TTBK2: variants seen among roughly 807,000 people sequenced by gnomAD.
The protein encoded by TTBK2 is tau tubulin kinase 2, also known as tau-tubulin kinase 2.
TTBK2 carries 28 observed loss-of-function variants against 110.8 expected under a neutral mutation model. That is an observed-to-expected ratio of 0.25 (90% CI 0.19 to 0.35). TTBK2 has a LOEUF of 0.35. TTBK2 is among the 10% of genes least tolerant of loss of function. The pLI is 1.00. For missense variants in TTBK2, 1,369 were observed against 1,500.3 expected, an observed-to-expected ratio of 0.91 and a Z score of 1.45; for synonymous variants, 532 against 527.3, an observed-to-expected ratio of 1.01 and a Z score of -0.12.
At chr15:42,800,007 A>C (rs56894749) in intron 9 of TTBK2, among the ~76,000 whole-genome samples, 6,243 of 152,048 alleles carry the variant, frequency 0.041, 378 homozygotes, top group East Asian at 0.13. Context: ...CTGAGGTGGG[A>C]GGATTACTTG....
In TTBK2 at chr15:42,783,614, G is replaced by A; in HGVS notation, c.1002C>T (p.Ile334=). The change falls in exon 11 of 15, where the codon ATC becomes ATT. Residue 334 remains isoleucine (I), a synonymous_variant. Transcript: ENST00000267890. ...TATTTTCTCGAAGCAAGTCTCCAGG[G>A]ATGGGAGTAGCATTGGCAATTCTAC... ...AAIGIANATP[I]PGDLLRENTD... is the part of the protein sequence containing the mutation. The A allele has an allele frequency of 1.2e-6, 2 of 1,613,956 alleles. No individual in the cohort carries two copies. Among genetic ancestry groups the A allele is most frequent in the Non-Finnish European group, 8.5e-7 (1 of 1,180,008 alleles).
chr15:42,880,208 G>A (rs558747146), intron 1 of TTBK2, among the ~76,000 whole-genome samples: 253 of 152,094 alleles, frequency 1.7e-3, no homozygotes, highest in Non-Finnish European at 3.1e-3. Flanking sequence ...CCCATCCTAA[G>A]CCCATCAAAG....
intron 9 of TTBK2, among the ~76,000 whole-genome samples, chr15:42,806,275 C>T (rs1595931573): frequency 1.3e-5 from 2 of 152,224 alleles, no homozygotes; most frequent in East Asian, 1.9e-4. Flanking sequence ...AAAAACAAAA[C>T]AAAACAAAAT....
At chr15:42,878,500 C>A (rs1266302974) in intron 2 of TTBK2, 49 bp downstream of exon 2, 5 of 1,577,310 alleles carry the variant, frequency 3.2e-6, no homozygotes, top group Non-Finnish European at 4.3e-6. Flanking sequence ...TATACACACA[C>A]ACACACACAC....
chr15:42,901,631 GAATTT>G (rs1165039797), intron 1 of TTBK2, among the ~76,000 whole-genome samples: 1 of 143,916 alleles, frequency 6.9e-6, no homozygotes, highest in East Asian at 2.0e-4. Flanking sequence ...AAAAAAAAAA[GAATTT>G]AATTAAAAAA....
rs1291232273 is a variant in TTBK2 at position 42,872,856 on chromosome 15, ATC to A, written c.70-100_70-99del. ...TATTTAGAAAATGTATAATTTTATA[ATC>A]TGTTTTTTGATAAAATATTTAAATA... On this transcript the variant is annotated intron_variant, in intron 2 of 14. Coordinates refer to ENST00000267890, the MANE Select transcript of TTBK2 (RefSeq NM_173500.4). The A allele has an allele frequency of 2.1e-4, 292 of 1,415,914 alleles. No homozygotes were observed. In the Middle Eastern group the frequency reaches 2.4e-3, roughly 12 times the overall value. 87.7% of individuals were successfully genotyped at this position (1,415,914 alleles called of 1,614,324 possible).
intron 1 of TTBK2, among the ~76,000 whole-genome samples, chr15:42,879,996 C>CA (rs71108186): frequency 0.042 from 3,137 of 74,144 alleles, 158 homozygotes; most frequent in East Asian, 0.32. Flanking sequence ...GATCCTGTCT[C>CA]AAAAAAAAAA....
chr15:42,820,003 G>C (rs922772711), intron 6 of TTBK2, among the ~76,000 whole-genome samples: 1 of 152,144 alleles, frequency 6.6e-6, no homozygotes, highest in African/African-American at 2.4e-5. Flanking sequence ...TTCTAGCCAA[G>C]TCAAGCCCAG....
At position 42,844,136 on chromosome 15, in the gene TTBK2, C is replaced by T. The variant is rs1014571271; in HGVS notation, c.218-3703G>A. On this transcript the variant is annotated intron_variant, in intron 3 of 14. Transcript: ENST00000267890. Reference sequence around the variant, plus strand: ...TCTCAGTGTATTGGCTTTTTCTGTGCAGCAGGCAAGAAGAACCTGCTAGGC... The same window carrying T: ...TCTCAGTGTATTGGCTTTTTCTGTGTAGCAGGCAAGAAGAACCTGCTAGGC... Among the ~76,000 whole-genome samples the T allele has an allele frequency of 7.9e-5, 12 of 152,216 alleles. 1 individual carries two copies. Among genetic ancestry groups the T allele is most frequent in the African/African-American group, 2.7e-4 (11 of 41,446 alleles).
In TTBK2 at chr15:42,772,939, A is replaced by G. The variant is rs370949020; in HGVS notation, c.1998+2196T>C. On this transcript the variant is annotated intron_variant, in intron 13 of 14. Transcript: ENST00000267890. ...CTACAAAACAACAACAACAACAACAACAACAGCCCCATTACAAATCACTTC... is the reference window on the plus strand; with the variant it reads ...CTACAAAACAACAACAACAACAACAGCAACAGCCCCATTACAAATCACTTC... Among the ~76,000 whole-genome samples, 3 of 152,088 alleles carry G rather than the reference A, an allele frequency of 2.0e-5. No individual in the cohort carries two copies. The East Asian group carries it at 5.8e-4, about 29-fold the overall frequency.
At chr15:42,810,862 A>G (rs1891681007) in intron 8 of TTBK2, 123 bp from the exon 9 acceptor site, 1 of 1,137,960 alleles carries the variant, frequency 8.8e-7, no homozygotes. Context: ...TTAAGCATAA[A>G]GCAAGAACTG....
chr15:42,773,380 T>A (rs1051016582), intron 13 of TTBK2, among the ~76,000 whole-genome samples: 1 of 150,530 alleles, frequency 6.6e-6, no homozygotes, highest in South Asian at 2.1e-4. Context: ...GAGGTTGCAG[T>A]GAGCCGAGAT....
chr15:42,752,681 A>G lies in TTBK2; in HGVS notation c.2565T>C (p.Ser855=), dbSNP rs1341152189. 4 of 1,613,990 alleles carry G rather than the reference A, an allele frequency of 2.5e-6. No homozygotes were observed. The highest frequency in any genetic ancestry group is 2.2e-5 in the East Asian group (1 of 44,896). The change falls in exon 14 of 15, where the codon TCT becomes TCC. Residue 855 remains serine (S), a synonymous_variant. Coordinates refer to ENST00000267890, the MANE Select transcript of TTBK2 (RefSeq NM_173500.4). ...KLLTVGTSEI[S]SRDIDPHVEG... ...CAACATGTGGGTCAATGTCTCTGGA[A>G]GAAATTTCTGAAGTTCCAACTGTCA...
At chr15:42,770,118 G>A (rs1889603078) in intron 13 of TTBK2, among the ~76,000 whole-genome samples, 1 of 144,256 alleles carries the variant, frequency 6.9e-6, no homozygotes, top group Non-Finnish European at 1.5e-5. Flanking sequence ...GGGGGGCAGG[G>A]GGAGGGATAG....
intron 1 of TTBK2, among the ~76,000 whole-genome samples, chr15:42,889,974 G>A (rs1454604725): frequency 6.6e-6 from 1 of 152,092 alleles, no homozygotes; most frequent in African/African-American, 2.4e-5. Context: ...AGGCCTCTGA[G>A]CCCAAGCTAT....
chr15:42,912,790 G>C (rs2030850045), intron 1 of TTBK2, among the ~76,000 whole-genome samples: 1 of 151,960 alleles, frequency 6.6e-6, no homozygotes, highest in Non-Finnish European at 1.5e-5. Context: ...AGTTTACAAA[G>C]AGTACACACC....
intron 10 of TTBK2, among the ~76,000 whole-genome samples, chr15:42,789,854 T>TACACACACACACACACACAC (rs58536399): frequency 0.072 from 10,657 of 147,736 alleles, 502 homozygotes; most frequent in South Asian, 0.13. Flanking sequence ...ATACATACAA[T>TACACACACACACACACACAC]ACACACACAC....
rs140055788 is a variant in TTBK2 at position 42,820,283 on chromosome 15, T to C, written c.538-3186A>G. Among the ~76,000 whole-genome samples, 89 of 152,272 alleles carry C rather than the reference T, an allele frequency of 5.8e-4. 3 individuals carry two copies. In the East Asian group the frequency reaches 0.016, roughly 28 times the overall value. ...CAGTCACATATGCAAATGATTCCAA[T>C]TTAAAGCAGATTATAATGAATATCA... On this transcript the variant is annotated intron_variant, in intron 6 of 14. Transcript: ENST00000267890.
rs554936616 is a variant in TTBK2 at position 42,795,000 on chromosome 15, TAG to T, written c.823-201_823-200del. ...TTAATGTTGATTTTTCTCCGTTGTG[TAG>T]AATGTTTCTGTTTTCGAGGGATACA... On this transcript the variant is annotated intron_variant, in intron 9 of 14. Transcript: ENST00000267890. The T allele has an allele frequency of 2.5e-4, 169 of 674,820 alleles. 1 individual carries two copies. Among genetic ancestry groups the T allele is most frequent in the African/African-American group, 2.3e-3 (126 of 55,664 alleles). 41.8% of individuals were successfully genotyped at this position (674,820 alleles called of 1,614,324 possible). A position where few individuals can be genotyped will look rare whatever the true frequency, so the allele number is the denominator to read the frequency against.
Sources: allele counts gnomAD v4.1 joint callset (sites outside exome capture counted in the v4.1 genomes callset), GRCh38; gene constraint gnomAD v4.1.1; transcripts MANE v1.5; gene names NCBI Gene and HGNC (gene_info 2026-07-23, HGNC 2026-07-21).